KATNIP: variants seen among roughly 807,000 people sequenced by gnomAD.
The protein encoded by KATNIP is katanin-interacting protein.
In KATNIP, 126 loss-of-function variants were observed where a neutral mutation model predicts 174.0. The ratio of observed to expected loss-of-function variants is 0.72; its 90% CI spans 0.63 to 0.84. KATNIP has a LOEUF of 0.84. Ranked by LOEUF, KATNIP falls within the 40% of genes least tolerant of loss-of-function variation. The pLI, the probability that KATNIP is intolerant of heterozygous loss-of-function variation, is 0.00. For missense variants in KATNIP, 1,958 were observed against 2,109.7 expected, an observed-to-expected ratio of 0.93 and a Z score of 1.41; for synonymous variants, 810 against 835.7, an observed-to-expected ratio of 0.97 and a Z score of 0.53.
At chr16:27,711,358 G>A (rs2079566072) in intron 13 of KATNIP, among the ~76,000 whole-genome samples, 2 of 152,184 alleles carry the variant, frequency 1.3e-5, no homozygotes, top group Admixed American at 1.3e-4. Context: ...CATGGCATCC[G>A]AAACCATCAC....
intron 14 of KATNIP, among the ~76,000 whole-genome samples, chr16:27,733,948 C>A (rs1428472435): frequency 6.6e-6 from 1 of 152,008 alleles, no homozygotes; most frequent in Admixed American, 6.5e-5. Flanking sequence ...GCGGTATATA[C>A]GTAAATATGT....
At chr16:27,655,685 T>A (rs551409109) in intron 6 of KATNIP, among the ~76,000 whole-genome samples, 1 of 152,270 alleles carries the variant, frequency 6.6e-6, no homozygotes, top group Non-Finnish European at 1.5e-5. Context: ...ACGTTAACCC[T>A]GTGAGTTAAG....
chr16:27,683,726 G>T (rs2078428831), intron 8 of KATNIP, among the ~76,000 whole-genome samples: 1 of 152,114 alleles, frequency 6.6e-6, no homozygotes, highest in Admixed American at 6.6e-5. Flanking sequence ...CGAGATAAAG[G>T]CCTGAGTCTG....
chr16:27,652,282 A>G (rs2077143718), intron 6 of KATNIP, among the ~76,000 whole-genome samples: 1 of 152,156 alleles, frequency 6.6e-6, no homozygotes, highest in South Asian at 2.1e-4. Flanking sequence ...ATGAGGTGAT[A>G]CTTAAGTAGA....
chr16:27,655,844 T>C (rs1014062721), intron 6 of KATNIP, among the ~76,000 whole-genome samples: 2 of 152,132 alleles, frequency 1.3e-5, no homozygotes, highest in South Asian at 4.1e-4. Flanking sequence ...AGGCGGGGAA[T>C]ATTGCACTCA....
chr16:27,661,931 T>C lies in KATNIP; in HGVS notation c.540+13196T>C, dbSNP rs188478950. Among the ~76,000 whole-genome samples the C allele has an allele frequency of 1.2e-3, 69 of 58,758 alleles. 1 individual carries two copies. The highest frequency in any genetic ancestry group is 2.7e-3 in the East Asian group (4 of 1,484). The allele number at this position is 58,758 out of a possible 152,430, so 38.5% of individuals were successfully genotyped here. A position where few individuals can be genotyped will look rare whatever the true frequency, so the allele number is the denominator to read the frequency against. The stretch of plus-strand genomic sequence containing the variant: ...TGGCTAATATATATATATATATATA[T>C]ATATATATATATATATATATATATA... On this transcript the variant is annotated intron_variant, in intron 6 of 27. Coordinates refer to ENST00000261588, the MANE Select transcript of KATNIP (RefSeq NM_015202.5).
At chr16:27,576,029 C>G (rs1399469658) in intron 2 of KATNIP, among the ~76,000 whole-genome samples, 2 of 152,142 alleles carry the variant, frequency 1.3e-5, no homozygotes, top group Non-Finnish European at 2.9e-5. Context: ...GTTAACTGAC[C>G]TGGGGTGAAG....
rs888655609 is a variant in KATNIP at position 27,589,774 on chromosome 16, T to TTTTTA, written c.63+15837_63+15841dup. Among the ~76,000 whole-genome samples the TTTTTA allele has an allele frequency of 1.8e-4, 27 of 152,122 alleles. No individual in the cohort carries two copies. The East Asian group carries it at 3.5e-3, about 20-fold the overall frequency. On this transcript the variant is annotated intron_variant, in intron 2 of 27. Coordinates refer to ENST00000261588, the MANE Select transcript of KATNIP (RefSeq NM_015202.5). ...TCAGCATGTTTTGATTTCTTTTACTTTTTTATTTTATTTTATTTTATTTAT... is the reference window on the plus strand; with the variant it reads ...TCAGCATGTTTTGATTTCTTTTACTTTTTTATTTTATTTTATTTTATTTTATTTAT...
chr16:27,686,505 C>T (rs982404248), intron 8 of KATNIP, among the ~76,000 whole-genome samples: 1 of 152,062 alleles, frequency 6.6e-6, no homozygotes, highest in Non-Finnish European at 1.5e-5. Context: ...ATAAGCAGCA[C>T]GTAATTGGTT....
intron 5 of KATNIP, 80 bp downstream of exon 5, chr16:27,631,242 T>C: frequency 8.7e-7 from 1 of 1,148,846 alleles, no homozygotes; most frequent in Non-Finnish European, 1.3e-6. Context: ...AATCAGAGCA[T>C]TTAAAACCCC....
chr16:27,553,840 C>T (rs942865709), intron 1 of KATNIP, among the ~76,000 whole-genome samples: 2 of 151,650 alleles, frequency 1.3e-5, no homozygotes, highest in East Asian at 1.9e-4. Flanking sequence ...TATAGTGGCT[C>T]GTGCCTGTAG....
chr16:27,681,961 C>T (rs554388415), intron 8 of KATNIP, among the ~76,000 whole-genome samples: 1 of 152,326 alleles, frequency 6.6e-6, no homozygotes, highest in Non-Finnish European at 1.5e-5. Context: ...AATGCTCCTT[C>T]AGAAACACTC....
At chr16:27,733,452 T>C (rs957095281) in intron 14 of KATNIP, among the ~76,000 whole-genome samples, 6 of 152,054 alleles carry the variant, frequency 3.9e-5, no homozygotes, top group Non-Finnish European at 7.4e-5. Context: ...AGTTTCAAAC[T>C]GTCCTTTTCA....
intron 7 of KATNIP, among the ~76,000 whole-genome samples, chr16:27,679,906 G>A (rs1487158135): frequency 3.9e-5 from 6 of 152,010 alleles, no homozygotes; most frequent in Non-Finnish European, 5.9e-5. Flanking sequence ...TGTTCCCTCT[G>A]CCCAGATGAC....
Position 27,769,929 on chromosome 16 carries a change from G to T in KATNIP, c.4044G>T (p.Lys1348Asn), listed in dbSNP as rs1358414822. The T allele has an allele frequency of 6.2e-7, 1 of 1,614,106 alleles. No homozygotes were observed. ...VSPPEGFLIR[K>N]GPGNCHFDFA... ...CGCCAGAGGGCTTTCTCATCCGGAA[G>T]GGGCCAGGCAACTGCCACTTTGATT... The change falls in exon 21 of 28, where the codon AAG becomes AAT. Residue 1348 changes from lysine (K) to asparagine (N), a missense_variant. Lys to Asn is a moderately conservative substitution (Grantham distance 94, BLOSUM62 0). Transcript: ENST00000261588.
At chr16:27,681,362 G>A (rs1341725121) in intron 7 of KATNIP, 37 bp from the exon 8 acceptor site, 11 of 1,612,456 alleles carry the variant, frequency 6.8e-6, no homozygotes, top group South Asian at 2.2e-5. Flanking sequence ...ACTTGCTTGC[G>A]CTCAGCGTCT....
intron 12 of KATNIP, among the ~76,000 whole-genome samples, chr16:27,704,988 G>A (rs1161669081): frequency 6.7e-6 from 1 of 150,214 alleles, no homozygotes; most frequent in Admixed American, 6.7e-5. Flanking sequence ...TTGGCTCATG[G>A]CAACCTCTGC....
At chr16:27,609,511 C>T (rs552516680) in intron 2 of KATNIP, among the ~76,000 whole-genome samples, 9 of 149,440 alleles carry the variant, frequency 6.0e-5, no homozygotes, top group African/African-American at 2.0e-4. Flanking sequence ...CTGTCTCAGC[C>T]TCCCAAGTAG....
At chr16:27,663,907 G>T (rs978998228) in intron 6 of KATNIP, among the ~76,000 whole-genome samples, 1 of 151,218 alleles carries the variant, frequency 6.6e-6, no homozygotes, top group Non-Finnish European at 1.5e-5. Flanking sequence ...ATCTTCTGGG[G>T]TCAAGTGATG....
Sources: gnomAD v4.1 joint callset for allele counts (sites outside exome capture counted in the v4.1 genomes callset) on GRCh38, gnomAD v4.1.1 for gene constraint, MANE v1.5 for transcripts, NCBI Gene and HGNC (gene_info 2026-07-23, HGNC 2026-07-21) for gene names.